Variants in DHRSX observed in about 807,000 individuals in gnomAD.
The protein encoded by DHRSX is dehydrogenase/reductase X-linked.
DHRSX carries 31 observed loss-of-function variants against 34.0 expected under a neutral mutation model. The observed-to-expected ratio is 0.91, with a 90% CI of 0.69 to 1.23. DHRSX has a LOEUF of 1.23. Ranked by LOEUF, DHRSX falls within the 50% of genes most tolerant of loss-of-function variation. DHRSX has a pLI of 0.00. For missense variants in DHRSX, 414 were observed against 428.1 expected, an observed-to-expected ratio of 0.97 and a Z score of 0.29; for synonymous variants, 201 against 183.8, an observed-to-expected ratio of 1.09 and a Z score of -0.76.
At position 2,471,532 on chromosome X, in the gene DHRSX, G is replaced by C. The variant is rs149909418; in HGVS notation, c.109+29285C>G. Among the ~76,000 whole-genome samples, 451 of 150,674 alleles carry C rather than the reference G, an allele frequency of 3.0e-3. 9 individuals carry two copies. The highest frequency in any genetic ancestry group is 9.7e-3 in the African/African-American group (394 of 40,756). ...TGAGCCGAGATTGAGCCATTGCACTGCAGCCTGGGCAACAAGAGCAAAACT... is the reference window on the plus strand; with the variant it reads ...TGAGCCGAGATTGAGCCATTGCACTCCAGCCTGGGCAACAAGAGCAAAACT... On this transcript the variant is annotated intron_variant, in intron 1 of 6. Transcript: ENST00000334651.
intron 1 of DHRSX, among the ~76,000 whole-genome samples, chrX:2,460,000 C>T (rs755012148): frequency 6.6e-6 from 1 of 152,136 alleles, no homozygotes; most frequent in South Asian, 2.1e-4. Context: ...CCCAGCTACT[C>T]AGGAGGTTGA....
At chrX:2,306,475 T>G (rs887428079) in intron 3 of DHRSX, among the ~76,000 whole-genome samples, 9 of 151,716 alleles carry the variant, frequency 5.9e-5, no homozygotes, top group Admixed American at 2.6e-4. Flanking sequence ...TTTTTTTTTT[T>G]TTTTGAGGCA....
At chrX:2,364,222 G>A (rs1378290443) in intron 3 of DHRSX, among the ~76,000 whole-genome samples, 1 of 152,106 alleles carries the variant, frequency 6.6e-6, no homozygotes, top group Non-Finnish European at 1.5e-5. Context: ...TTCCATTGGA[G>A]GCCTTTTTGT....
At chrX:2,318,142 C>T (rs1158349157) in intron 3 of DHRSX, among the ~76,000 whole-genome samples, 9 of 146,112 alleles carry the variant, frequency 6.2e-5, no homozygotes, top group African/African-American at 1.0e-4. Flanking sequence ...CCTAGCAGTT[C>T]GAGACCAGCC....
intron 5 of DHRSX, 23 bp downstream of exon 5, chrX:2,266,717 G>C: frequency 6.2e-7 from 1 of 1,610,450 alleles, no homozygotes; most frequent in Non-Finnish European, 8.5e-7. Flanking sequence ...ATGCTGTTAT[G>C]ATTATTCACA....
rs141706611 is a variant in DHRSX at position 2,381,026 on chromosome X, C to T, written c.286+27719G>A. ...GATTACAGGTGTGCACCACCACACC[C>T]GGCTAATTTTTGTATTTTTAGTAGA... On this transcript the variant is annotated intron_variant, in intron 3 of 6. Coordinates refer to ENST00000334651, the MANE Select transcript of DHRSX (RefSeq NM_145177.3). Among the ~76,000 whole-genome samples the T allele has an allele frequency of 8.2e-3, 1,246 of 152,062 alleles. 8 individuals carry two copies. Among genetic ancestry groups the T allele is most frequent in the Middle Eastern group, 0.045 (13 of 292 alleles).
intron 3 of DHRSX, among the ~76,000 whole-genome samples, chrX:2,364,801 T>C (rs1244753319): frequency 3.3e-5 from 5 of 152,212 alleles, no homozygotes; most frequent in Non-Finnish European, 5.9e-5. Context: ...GTCTATCATC[T>C]ACCTATCATC....
intron 3 of DHRSX, among the ~76,000 whole-genome samples, chrX:2,299,421 C>T (rs1295933253): frequency 6.6e-6 from 1 of 152,096 alleles, no homozygotes; most frequent in Non-Finnish European, 1.5e-5. Context: ...CCACGCTTCC[C>T]GTAGCCCACA....
At chrX:2,230,755 C>T (rs775242271) in intron 6 of DHRSX, among the ~76,000 whole-genome samples, 1 of 152,294 alleles carries the variant, frequency 6.6e-6, no homozygotes, top group South Asian at 2.1e-4. Flanking sequence ...GCCTGCCCTG[C>T]AGATTTTAGG....
intron 1 of DHRSX, among the ~76,000 whole-genome samples, chrX:2,492,452 T>C (rs940468893): frequency 8.9e-5 from 13 of 146,302 alleles, no homozygotes; most frequent in Admixed American, 4.2e-4. Flanking sequence ...GATAAAATCA[T>C]GGTGGATTGA....
Position 2,466,311 on chromosome X carries a change from G to A in DHRSX, c.109+34506C>T, listed in dbSNP as rs140796236. Among the ~76,000 whole-genome samples the A allele has an allele frequency of 3.8e-3, 585 of 152,154 alleles. 7 individuals carry two copies. The highest frequency in any genetic ancestry group is 0.013 in the African/African-American group (534 of 41,522). On this transcript the variant is annotated intron_variant, in intron 1 of 6. Coordinates refer to ENST00000334651, the MANE Select transcript of DHRSX (RefSeq NM_145177.3). ...AAATTAGCCCAGCGTGGTGGTATGC[G>A]CCTGTAATCTCAACGACTCAGTAGC... is the stretch of plus-strand genomic sequence containing the variant.
intron 5 of DHRSX, among the ~76,000 whole-genome samples, chrX:2,262,341 G>A (rs984291160): frequency 3.3e-5 from 5 of 152,178 alleles, no homozygotes; most frequent in African/African-American, 1.2e-4. Context: ...CACGTCACCT[G>A]CGCACACTGG....
At chrX:2,491,768 G>A (rs149626473) in intron 1 of DHRSX, among the ~76,000 whole-genome samples, 2,134 of 152,340 alleles carry the variant, frequency 0.014, 49 homozygotes, top group East Asian at 0.086. Flanking sequence ...ATTGTGTCCA[G>A]TCACACCTGT....
intron 4 of DHRSX, among the ~76,000 whole-genome samples, chrX:2,269,301 CTGTG>C (rs1248524733): frequency 1.3e-5 from 2 of 152,192 alleles, no homozygotes; most frequent in African/African-American, 2.4e-5. Context: ...TAGCATTTCT[CTGTG>C]TATTTGTACA....
chrX:2,241,946 CATT>C (rs2016151126), intron 6 of DHRSX, among the ~76,000 whole-genome samples: 1 of 152,022 alleles, frequency 6.6e-6, no homozygotes, highest in African/African-American at 2.4e-5. Context: ...TAACAAAAAA[CATT>C]ATCTGTTTTC....
chrX:2,468,351 C>T (rs891242106), intron 1 of DHRSX, among the ~76,000 whole-genome samples: 2 of 152,134 alleles, frequency 1.3e-5, no homozygotes, highest in African/African-American at 4.8e-5. Flanking sequence ...GAGATGGCCA[C>T]TTGCAGAGAG....
intron 5 of DHRSX, among the ~76,000 whole-genome samples, chrX:2,243,912 G>A (rs1273866580): frequency 6.7e-6 from 1 of 148,260 alleles, no homozygotes; most frequent in Admixed American, 6.9e-5. Flanking sequence ...TGGGATTACA[G>A]GCTCCTGTCA....
At chrX:2,448,348 A>T (rs1414403187) in intron 1 of DHRSX, among the ~76,000 whole-genome samples, 1 of 151,994 alleles carries the variant, frequency 6.6e-6, no homozygotes, top group African/African-American at 2.4e-5. Context: ...TATAAATTAC[A>T]TTAAAATTAA....
intron 3 of DHRSX, among the ~76,000 whole-genome samples, chrX:2,370,711 G>A (rs1164701362): frequency 2.6e-5 from 4 of 151,960 alleles, no homozygotes; most frequent in Non-Finnish European, 5.9e-5. Context: ...GGGATGGACT[G>A]AATTCCTCGT....
Sources: allele counts gnomAD v4.1 joint callset (sites outside exome capture counted in the v4.1 genomes callset), GRCh38; gene constraint gnomAD v4.1.1; transcripts MANE v1.5; gene names NCBI Gene and HGNC (gene_info 2026-07-23, HGNC 2026-07-21).